The following RBFOX1 variants were observed in gnomAD, a reference collection of about 807,000 sequenced individuals.
RBFOX1 encodes the protein RNA binding fox-1 homolog 1, also known as RNA binding protein fox-1 homolog 1.
A neutral mutation model predicts 57.7 loss-of-function variants in RBFOX1; 8 were observed. The observed-to-expected ratio is 0.14, with a 90% CI of 0.08 to 0.25. RBFOX1 has a LOEUF of 0.25. Ranked by LOEUF, RBFOX1 falls within the 10% of genes least tolerant of loss-of-function variation. The pLI, the probability that RBFOX1 is intolerant of heterozygous loss-of-function variation, is 1.00. For synonymous variants in RBFOX1, 326 were observed against 222.4 expected (o/e 1.47, Z -4.15); for missense variants, 611 against 548.5 (o/e 1.11, Z -1.14).
At chr16:7,662,463 G>A (rs141102817) in intron 12 of RBFOX1, among the ~76,000 whole-genome samples, 2,046 of 152,154 alleles carry the variant, frequency 0.013, 28 homozygotes, top group Middle Eastern at 0.034. Context: ...TCCTTCTGAC[G>A]CCTTCTCATG....
intron 3 of RBFOX1, among the ~76,000 whole-genome samples, chr16:6,931,748 T>G (rs1479649332): frequency 6.6e-6 from 1 of 152,172 alleles, no homozygotes; most frequent in Non-Finnish European, 1.5e-5. Flanking sequence ...ATCTCTTTGT[T>G]GTGATCTGTT....
At chr16:5,668,686 A>G (rs9924704) in intron 3 of RBFOX1, among the ~76,000 whole-genome samples, 100,090 of 152,060 alleles carry the variant, frequency 0.66, 33,444 homozygotes, top group Non-Finnish European at 0.73. Context: ...CCTATCATCA[A>G]GATGTCTCTG....
chr16:6,735,554 G>C (rs548497438), intron 3 of RBFOX1, among the ~76,000 whole-genome samples: 1 of 152,076 alleles, frequency 6.6e-6, no homozygotes, highest in Non-Finnish European at 1.5e-5. Context: ...ACTATTTCTC[G>C]TCCCCATGGA....
chr16:7,023,453 C>G lies in RBFOX1; in HGVS notation c.-15-28604C>G, dbSNP rs528686560. On this transcript the variant is annotated intron_variant, in intron 3 of 15. Transcript: ENST00000550418. ...CTAGCCTGGATGACAGAGTGAGACT[C>G]CATCTCAAAAAAAAAAAGAGAGAAA... 3.5e-4 allele frequency among the ~76,000 whole-genome samples: 51 copies of G among 147,672 alleles called. No homozygotes were observed. In the South Asian group the frequency reaches 1.0e-2, roughly 29 times the overall value.
intron 1 of RBFOX1, among the ~76,000 whole-genome samples, chr16:6,083,121 C>T (rs779493876): frequency 3.9e-5 from 6 of 152,042 alleles, no homozygotes; most frequent in African/African-American, 1.2e-4. Context: ...CCTGCCTCAG[C>T]GTCCTGAGTA....
intron 3 of RBFOX1, among the ~76,000 whole-genome samples, chr16:5,778,784 C>T (rs577257897): frequency 1.3e-5 from 2 of 152,194 alleles, no homozygotes; most frequent in African/African-American, 4.8e-5. Flanking sequence ...TCCCACCCCT[C>T]AGCCACTGTG....
At chr16:5,909,618 A>G (rs182553938) in intron 4 of RBFOX1, among the ~76,000 whole-genome samples, 1 of 152,222 alleles carries the variant, frequency 6.6e-6, no homozygotes, top group Admixed American at 6.5e-5. Flanking sequence ...TGGAGAGCCT[A>G]ACTCTGTAGC....
At chr16:5,520,862 C>G (rs11646751) in intron 2 of RBFOX1, among the ~76,000 whole-genome samples, 40,968 of 152,100 alleles carry the variant, frequency 0.27, 6,589 homozygotes, top group Admixed American at 0.39. Context: ...GATCAAGTTT[C>G]CCTCTTTGGG....
Position 7,285,075 on chromosome 16 carries a change from CTT to C in RBFOX1, c.27+233006_27+233007del, listed in dbSNP as rs58959488. 9.2e-3 allele frequency among the ~76,000 whole-genome samples: 391 copies of C among 42,656 alleles called. 3 individuals carry two copies. The highest frequency in any genetic ancestry group is 0.031 in the African/African-American group (364 of 11,798). The allele number at this position is 42,656 out of a possible 152,430, so 28.0% of individuals were successfully genotyped here. The stretch of plus-strand genomic sequence containing the variant: ...CCCTTTGCTATCTATAGATTCCTTA[CTT>C]TTTTTTTTTTTTTTTTTTTTTTTTT... On this transcript the variant is annotated intron_variant, in intron 4 of 15. Coordinates refer to ENST00000550418, the MANE Select transcript of RBFOX1 (RefSeq NM_018723.4).
intron 4 of RBFOX1, among the ~76,000 whole-genome samples, chr16:7,490,948 G>A (rs1220650512): frequency 6.6e-6 from 1 of 152,018 alleles, no homozygotes; most frequent in African/African-American, 2.4e-5. Flanking sequence ...ATCTTCTTTA[G>A]GTGGCCTAAA....
At chr16:5,365,713 C>G (rs2065693547) in intron 1 of RBFOX1, 1 of 383,228 alleles carries the variant, frequency 2.6e-6, no homozygotes, top group Non-Finnish European at 5.0e-6. Flanking sequence ...TGGTGTGATT[C>G]CGTCCTGCAT....
intron 3 of RBFOX1, among the ~76,000 whole-genome samples, chr16:5,641,218 C>T (rs559941363): frequency 1.3e-5 from 2 of 152,294 alleles, no homozygotes; most frequent in South Asian, 2.1e-4. Context: ...TGCATACATA[C>T]ATGCATGCAC....
At chr16:5,867,373 T>C in intron 4 of RBFOX1, 2 of 1,141,500 alleles carry the variant, frequency 1.8e-6, no homozygotes, top group Non-Finnish European at 2.2e-6. Context: ...TAGAAGATAG[T>C]TTGAAGTGGG....
intron 2 of RBFOX1, among the ~76,000 whole-genome samples, chr16:6,507,886 T>A (rs528254127): frequency 2.0e-5 from 3 of 152,120 alleles, no homozygotes; most frequent in African/African-American, 7.2e-5. Context: ...AGATAAAGAG[T>A]TCTACAGATG....
intron 2 of RBFOX1, among the ~76,000 whole-genome samples, chr16:6,652,960 CAAAAT>C (rs1392351314): frequency 5.3e-5 from 8 of 152,168 alleles, no homozygotes; most frequent in Non-Finnish European, 1.2e-4. Context: ...TCACTGATCT[CAAAAT>C]AAAGTAAACA....
intron 4 of RBFOX1, among the ~76,000 whole-genome samples, chr16:7,072,020 C>T (rs1017410972): frequency 1.3e-5 from 2 of 152,192 alleles, no homozygotes; most frequent in South Asian, 2.1e-4. Flanking sequence ...CAAACCTACT[C>T]GAAGTCATAA....
intron 4 of RBFOX1, among the ~76,000 whole-genome samples, chr16:7,116,241 G>A (rs949592469): frequency 6.6e-6 from 1 of 152,060 alleles, no homozygotes; most frequent in Non-Finnish European, 1.5e-5. Context: ...TAGAGAGAAA[G>A]CCCATGCAGT....
rs1035495276 is a variant in RBFOX1 at position 6,540,642 on chromosome 16, C to T, written c.-63-113961C>T. Among the ~76,000 whole-genome samples, 46 of 139,306 alleles carry T rather than the reference C, an allele frequency of 3.3e-4. 1 individual carries two copies. The highest frequency in any genetic ancestry group is 1.1e-3 in the East Asian group (5 of 4,540). The allele number at this position is 139,306 out of a possible 152,430, so 91.4% of individuals were successfully genotyped here. On this transcript the variant is annotated intron_variant, in intron 2 of 15. Transcript: ENST00000550418. ...AAAAAAAAAAAAAAAAAAAAAACCT[C>T]AAGTCAGTCTCTGTACAGACGTTTC...
intron 1 of RBFOX1, among the ~76,000 whole-genome samples, chr16:5,248,374 A>G (rs2062356696): frequency 6.6e-6 from 1 of 152,234 alleles, no homozygotes; most frequent in Admixed American, 6.5e-5. Context: ...AGGCAACTGC[A>G]CTGAGGTGAC....
Sources: allele counts gnomAD v4.1 joint callset (sites outside exome capture counted in the v4.1 genomes callset), GRCh38; gene constraint gnomAD v4.1.1; transcripts MANE v1.5; gene names NCBI Gene and HGNC (gene_info 2026-07-23, HGNC 2026-07-21).